TEX14: variants seen among roughly 807,000 people sequenced by gnomAD.
TEX14 encodes the protein inactive serine/threonine-protein kinase TEX14.
Under a neutral mutation model 178.6 loss-of-function variants are expected in TEX14, and 168 were observed. The ratio of observed to expected loss-of-function variants is 0.94; its 90% CI spans 0.83 to 1.07. TEX14 has a LOEUF of 1.07. TEX14 is among the 50% of genes least tolerant of loss of function. TEX14 has a pLI of 0.00. For missense variants in TEX14, 1,730 were observed against 1,753.6 expected (o/e 0.99, Z 0.24); for synonymous variants, 626 against 634.1 (o/e 0.99, Z 0.19).
At chr17:58,598,817 C>A in intron 14 of TEX14, 59 bp downstream of exon 14, 1 of 1,459,656 alleles carries the variant, frequency 6.9e-7, no homozygotes, top group Non-Finnish European at 9.3e-7. Context: ...AGGTTTCCAG[C>A]CACAACCATT....
chr17:58,557,058 GT>G lies in TEX14; in HGVS notation c.4320-12del. On this transcript the variant is annotated splice_polypyrimidine_tract_variant and intron_variant, in intron 31 of 31. Coordinates refer to ENST00000349033, the MANE Select transcript of TEX14 (RefSeq NM_031272.5). ...TCCAGCACGATTATCCTATGCACAT[GT>G]TTTTTAAAGAACAAAAAAGGAAGTT... The G allele has an allele frequency of 6.2e-7, 1 of 1,612,798 alleles. No individual in the cohort carries two copies. Among genetic ancestry groups the G allele is most frequent in the Non-Finnish European group, 8.5e-7 (1 of 1,178,804 alleles).
chr17:58,631,582 A>T (rs2046292745), intron 2 of TEX14: 1 of 152,112 alleles, frequency 6.6e-6, no homozygotes, highest in Middle Eastern at 3.4e-3. Flanking sequence ...TTATACTCAA[A>T]AATTAAAAAC....
In TEX14 at chr17:58,587,701, C is replaced by A. The variant is rs370926625; in HGVS notation, c.2703-35G>T. On this transcript the variant is annotated intron_variant, in intron 16 of 31. Coordinates refer to ENST00000349033, the MANE Select transcript of TEX14 (RefSeq NM_031272.5). ...ACGGGTTTTTTGGAGGTAGGGGGAG[C>A]GGGGTGGACACAAACACATCAGTTT... is the stretch of plus-strand genomic sequence containing the variant. 3 of 1,461,418 alleles carry A rather than the reference C, an allele frequency of 2.1e-6. No individual in the cohort carries two copies. In the Admixed American group the frequency reaches 5.6e-5, roughly 27 times the overall value. The allele number at this position is 1,461,418 out of a possible 1,614,324, so 90.5% of individuals were successfully genotyped here.
intron 1 of TEX14, chr17:58,666,461 A>C (rs913903976): frequency 2.2e-5 from 1 of 44,954 alleles, no homozygotes; most frequent in Non-Finnish European, 5.3e-5. Context: ...TCCACGGCAA[A>C]AAAAAAAAAA....
intron 1 of TEX14, among the ~76,000 whole-genome samples, chr17:58,674,967 G>A (rs974774960): frequency 6.6e-6 from 1 of 151,518 alleles, no homozygotes; most frequent in Non-Finnish European, 1.5e-5. Flanking sequence ...CCAACATGAC[G>A]AAACCCCATC....
chr17:58,604,163 C>T (rs899779181), intron 11 of TEX14, among the ~76,000 whole-genome samples: 1 of 151,630 alleles, frequency 6.6e-6, no homozygotes, highest in African/African-American at 2.4e-5. Context: ...AGTACTGATA[C>T]CAATATTCAG....
intron 1 of TEX14, among the ~76,000 whole-genome samples, chr17:58,689,508 C>T (rs1352231966): frequency 1.3e-5 from 2 of 152,112 alleles, no homozygotes; most frequent in Non-Finnish European, 2.9e-5. Flanking sequence ...AGTGAGCCAC[C>T]GTGCCCGGCC....
At chr17:58,641,173 G>T (rs896781342) in intron 2 of TEX14, among the ~76,000 whole-genome samples, 1 of 152,082 alleles carries the variant, frequency 6.6e-6, no homozygotes, top group Non-Finnish European at 1.5e-5. Context: ...CACTTTGGGA[G>T]GCCGAGGCTG....
chr17:58,657,934 T>C (rs1302185842), intron 1 of TEX14, among the ~76,000 whole-genome samples: 2 of 152,160 alleles, frequency 1.3e-5, no homozygotes, highest in Non-Finnish European at 2.9e-5. Context: ...CTAAGATCAG[T>C]GCTTGACATA....
At chr17:58,563,656 TATAGAGAGAGAGAGAGAG>T (rs1291804790) in intron 28 of TEX14, among the ~76,000 whole-genome samples, 1 of 18,768 alleles carries the variant, frequency 5.3e-5, no homozygotes, top group Non-Finnish European at 8.3e-5. Flanking sequence ...TATATATATA[TATAGAGAGAGAGAGAGAG>T]AGAGAGAGAG....
At chr17:58,661,436 G>C in intron 1 of TEX14, 1 of 808,260 alleles carries the variant, frequency 1.2e-6, no homozygotes. Flanking sequence ...TAACATTTTG[G>C]CAACCTTGTC....
chr17:58,655,404 G>T (rs993442736), intron 1 of TEX14, among the ~76,000 whole-genome samples: 1 of 151,600 alleles, frequency 6.6e-6, no homozygotes, highest in Admixed American at 6.6e-5. Flanking sequence ...GGATGGTCTC[G>T]ATCTATTGAC....
Position 58,622,901 on chromosome 17 carries a change from C to G in TEX14, c.363G>C (p.Arg121Ser). 6.2e-7 allele frequency: 1 copy of G among 1,613,254 alleles called. No homozygotes were observed. Reference protein sequence around the residue: ...AGGDLRLHDERGQNPKTWALT... With the variant: ...AGGDLRLHDESGQNPKTWALT... The stretch of plus-strand genomic sequence containing the variant: ...AAGCCCAAGTCTTCGGGTTTTGACC[C>G]CTCTCATCGTGGAGTCGCAGGTCAC... Residue 121 changes from arginine to serine, a missense_variant, in exon 4 of 32, where the codon AGG (arginine) becomes AGC (serine). Around this residue, in one of 2 missense-constraint regions of TEX14, gnomAD observed 789 missense variants for 681.2 expected, o/e 1.16. Coordinates refer to ENST00000349033, the MANE Select transcript of TEX14 (RefSeq NM_031272.5).
At chr17:58,673,520 T>TA (rs2047338620) in intron 1 of TEX14, among the ~76,000 whole-genome samples, 1 of 151,500 alleles carries the variant, frequency 6.6e-6, no homozygotes, top group African/African-American at 2.4e-5. Flanking sequence ...AATAAATAAA[T>TA]AATTGTATTG....
At chr17:58,660,375 T>C (rs1350880075) in intron 1 of TEX14, 6 of 306,568 alleles carry the variant, frequency 2.0e-5, no homozygotes, top group Non-Finnish European at 2.9e-5. Context: ...CACTCTAACC[T>C]GGGCGACAAG....
intron 1 of TEX14, among the ~76,000 whole-genome samples, chr17:58,688,746 A>G (rs1269365499): frequency 6.6e-6 from 1 of 152,118 alleles, no homozygotes; most frequent in African/African-American, 2.4e-5. Context: ...GCCCATAGCA[A>G]TGTCTCTCAA....
At chr17:58,586,941 G>A (rs2044991848) in intron 17 of TEX14, among the ~76,000 whole-genome samples, 2 of 152,326 alleles carry the variant, frequency 1.3e-5, no homozygotes, top group South Asian at 2.1e-4. Context: ...ATGGAATGGT[G>A]TCTGTCTAGG....
chr17:58,676,057 TG>T (rs2047389207), intron 1 of TEX14, among the ~76,000 whole-genome samples: 1 of 152,002 alleles, frequency 6.6e-6, no homozygotes, highest in East Asian at 1.9e-4. Flanking sequence ...CTGACCAACA[TG>T]GTGAAACCCT....
intron 1 of TEX14, chr17:58,666,603 G>A (rs576772629): frequency 6.6e-6 from 1 of 151,992 alleles, no homozygotes; most frequent in Non-Finnish European, 1.5e-5. Flanking sequence ...CACATTTGGG[G>A]AAATCGTAGG....
Sources: allele counts gnomAD v4.1 joint callset (sites outside exome capture counted in the v4.1 genomes callset), GRCh38; gene constraint gnomAD v4.1.1; regional missense constraint gnomAD v4.1.1; transcripts MANE v1.5; gene names NCBI Gene and HGNC (gene_info 2026-07-23, HGNC 2026-07-21).